The following PRTG variants were observed in gnomAD, a reference collection of about 807,000 sequenced individuals.
PRTG encodes protogenin.
A neutral mutation model predicts 122.5 loss-of-function variants in PRTG; 67 were observed. That is an observed-to-expected ratio of 0.55 (90% confidence interval 0.45 to 0.67). PRTG has a LOEUF of 0.67. PRTG is among the 30% of genes least tolerant of loss of function. The probability of loss-of-function intolerance (pLI) is 0.00; values close to 1 mark genes in which losing one functional copy is unlikely to be tolerated. For synonymous variants in PRTG, 554 were observed against 501.1 expected (o/e 1.11, Z -1.41); for missense variants, 1,435 against 1,415.4 (o/e 1.01, Z -0.22).
chr15:55,668,523 T>TC (rs2059450719), intron 11 of PRTG, among the ~76,000 whole-genome samples: 4 of 152,226 alleles, frequency 2.6e-5, no homozygotes, highest in Admixed American at 2.0e-4. Flanking sequence ...TTAAAAATCC[T>TC]ACTTACAACT....
chr15:55,635,613 T>A (rs2059253634), intron 15 of PRTG, among the ~76,000 whole-genome samples: 1 of 152,218 alleles, frequency 6.6e-6, no homozygotes, highest in South Asian at 2.1e-4. Flanking sequence ...TACTTAGTAC[T>A]TTCAAGTCCC....
chr15:55,684,837 C>T (rs558822764), intron 2 of PRTG, among the ~76,000 whole-genome samples: 2 of 152,164 alleles, frequency 1.3e-5, no homozygotes, highest in Admixed American at 1.3e-4. Context: ...GAGAGAAGCC[C>T]AAGGGTGCAT....
At position 55,624,442 on chromosome 15, in the gene PRTG, A is replaced by T. The variant is rs780179988; in HGVS notation, c.2993T>A (p.Leu998Ter). The T allele has an allele frequency of 6.2e-7, 1 of 1,613,946 alleles. No individual in the cohort carries two copies. The highest frequency in any genetic ancestry group is 1.7e-5 in the Admixed American group (1 of 60,004). ...CTTTCCTACCTCATTTCCACTAGCT[A>T]AGGAGGCACTGGTACGAGGTAACTG... ...TQQLPRTSAS[L>*]ASGNEVGKNL... The change falls in exon 18 of 20, where the codon TTA becomes TAA. Residue 998 changes from leucine (L) to a stop codon, truncating the protein, a stop_gained. Coordinates refer to ENST00000389286, the MANE Select transcript of PRTG (RefSeq NM_173814.6). LOFTEE classifies it high-confidence loss of function.
intron 11 of PRTG, among the ~76,000 whole-genome samples, chr15:55,645,842 T>G (rs917816086): frequency 2.6e-5 from 4 of 151,776 alleles, no homozygotes; most frequent in African/African-American, 9.7e-5. Flanking sequence ...GGCTATGTGG[T>G]TTTTGGGGGA....
At chr15:55,650,235 GA>G (rs2059346440) in intron 11 of PRTG, among the ~76,000 whole-genome samples, 1 of 152,130 alleles carries the variant, frequency 6.6e-6, no homozygotes, top group Non-Finnish European at 1.5e-5. Flanking sequence ...ACCTATTGGG[GA>G]GCTAAGACAA....
chr15:55,686,157 A>G (rs141186101), intron 2 of PRTG, among the ~76,000 whole-genome samples: 94 of 152,230 alleles, frequency 6.2e-4, no homozygotes, highest in African/African-American at 2.2e-3. Flanking sequence ...ATTAACTTAA[A>G]CTATGTTGAA....
intron 2 of PRTG, among the ~76,000 whole-genome samples, chr15:55,733,155 G>T (rs1334553224): frequency 1.3e-5 from 2 of 152,058 alleles, no homozygotes; most frequent in Non-Finnish European, 2.9e-5. Flanking sequence ...GTTGCAGTGA[G>T]CCGAGATTGC....
chr15:55,709,781 T>A (rs971719183), intron 2 of PRTG, among the ~76,000 whole-genome samples: 1 of 152,192 alleles, frequency 6.6e-6, no homozygotes, highest in Admixed American at 6.5e-5. Flanking sequence ...CGAGTACATA[T>A]TATTTGAACA....
At chr15:55,738,469 T>A (rs749277964) in intron 2 of PRTG, 5 of 700,890 alleles carry the variant, frequency 7.1e-6, no homozygotes, top group Middle Eastern at 2.3e-4. Flanking sequence ...TCATGGCCTA[T>A]CTGGCCACCT....
rs377409534 is a variant in PRTG at position 55,638,632 on chromosome 15, T to C, written c.2369A>G (p.Lys790Arg). ...ATGTAATCGAACGGCAAATTCGTAT[T>C]TGGTGTTTGGTTCTAGACCTTGAAC... ...MLVQGLEPNT[K>R]YEFAVRLHVD... Residue 790 changes from lysine to arginine, a missense_variant, in exon 14 of 20, where the codon AAA (lysine) becomes AGA (arginine). Physicochemically the swap from Lys to Arg is conservative, Grantham distance 26. Coordinates refer to ENST00000389286, the MANE Select transcript of PRTG (RefSeq NM_173814.6). 3.7e-6 allele frequency: 6 copies of C among 1,613,582 alleles called. No homozygotes were observed. Among genetic ancestry groups the C allele is most frequent in the Non-Finnish European group, 5.1e-6 (6 of 1,179,714 alleles).
At chr15:55,701,321 G>A (rs1008039527) in intron 2 of PRTG, among the ~76,000 whole-genome samples, 3 of 152,164 alleles carry the variant, frequency 2.0e-5, no homozygotes, top group African/African-American at 7.2e-5. Flanking sequence ...TGGATCATGA[G>A]GTCAGGAATT....
intron 11 of PRTG, among the ~76,000 whole-genome samples, chr15:55,659,387 T>TGGG (rs2059397220): frequency 6.6e-6 from 1 of 152,208 alleles, no homozygotes; most frequent in Non-Finnish European, 1.5e-5. Flanking sequence ...CTTCTTTCAC[T>TGGG]ATCCCATCAG....
chr15:55,711,077 T>C (rs1256779794), intron 2 of PRTG, among the ~76,000 whole-genome samples: 1 of 144,886 alleles, frequency 6.9e-6, no homozygotes, highest in Non-Finnish European at 1.5e-5. Flanking sequence ...CAGCTAATTT[T>C]TGTATTTTTT....
intron 15 of PRTG, among the ~76,000 whole-genome samples, chr15:55,629,369 A>ATGTGTG (rs1413549067): frequency 8.7e-4 from 30 of 34,374 alleles, no homozygotes; most frequent in African/African-American, 2.4e-3. Flanking sequence ...GTATATATAT[A>ATGTGTG]TATATATGTG....
chr15:55,711,964 C>T (rs140636007), intron 2 of PRTG, among the ~76,000 whole-genome samples: 49 of 152,274 alleles, frequency 3.2e-4, no homozygotes, highest in African/African-American at 1.2e-3. Flanking sequence ...TGACAACCCT[C>T]AGGTGACTGT....
chr15:55,702,728 T>C (rs2029939018), intron 2 of PRTG, among the ~76,000 whole-genome samples: 1 of 152,076 alleles, frequency 6.6e-6, no homozygotes, highest in Non-Finnish European at 1.5e-5. Context: ...CCTATGGAAA[T>C]GGTCAAAGAG....
At chr15:55,738,071 A>ATATATATATATATAT (rs1555438618) in intron 2 of PRTG, 1 of 105,440 alleles carries the variant, frequency 9.5e-6, no homozygotes, top group Non-Finnish European at 2.1e-5. Flanking sequence ...TCTTCCTGTA[A>ATATATATATATATAT]ATATATATAT....
intron 2 of PRTG, 137 bp downstream of exon 2, chr15:55,740,245 C>T: frequency 2.7e-6 from 2 of 738,956 alleles, no homozygotes; most frequent in East Asian, 2.7e-5. Flanking sequence ...CTCTATATGC[C>T]TCAGTTAGCA....
Position 55,688,231 on chromosome 15 carries a change from C to T in PRTG, c.398-4300G>A, listed in dbSNP as rs376644713. Among the ~76,000 whole-genome samples, 50 of 152,272 alleles carry T rather than the reference C, an allele frequency of 3.3e-4. No homozygotes were observed. In the South Asian group the frequency reaches 9.9e-3, roughly 30 times the overall value. On this transcript the variant is annotated intron_variant, in intron 2 of 19. Transcript: ENST00000389286. ...TCAAACATCTAATCTGCCTTCTTCC[C>T]TATTATTTTATGGAAACAGGGTCTA... is the stretch of plus-strand genomic sequence containing the variant.
Sources: allele counts gnomAD v4.1 joint callset (sites outside exome capture counted in the v4.1 genomes callset), GRCh38; gene constraint gnomAD v4.1.1; transcripts MANE v1.5; gene names NCBI Gene and HGNC (gene_info 2026-07-23, HGNC 2026-07-21).